ZNF141: variants seen among roughly 807,000 people sequenced by gnomAD.
The protein encoded by ZNF141 is zinc finger protein 141 (clone pHZ-44).
Under a neutral mutation model 11.3 loss-of-function variants are expected in ZNF141, and 7 were observed. The ratio of observed to expected loss-of-function variants is 0.62; its 90% confidence interval spans 0.35 to 1.16. ZNF141 has a LOEUF of 1.16. ZNF141 is among the 50% of genes most tolerant of loss of function. ZNF141 has a pLI of 0.02. For synonymous variants in ZNF141, 183 were observed against 190.7 expected (o/e 0.96, Z 0.33); for missense variants, 535 against 554.0 (o/e 0.97, Z 0.34).
chr4:338,605 G>C (rs1004301530), intron 1 of ZNF141: 1 of 153,972 alleles, frequency 6.5e-6, no homozygotes. Context: ...ACAGCGCTTC[G>C]CTGAGTTCTG....
chr4:338,776 G>A (rs1290477049), intron 1 of ZNF141, among the ~76,000 whole-genome samples: 2 of 152,174 alleles, frequency 1.3e-5, no homozygotes, highest in African/African-American at 4.8e-5. Context: ...TGCTGACTCC[G>A]GGTGGTGTCG....
chr4:369,753 TA>T (rs1711944002), intron 3 of ZNF141, among the ~76,000 whole-genome samples: 8 of 46,230 alleles, frequency 1.7e-4, no homozygotes, highest in African/African-American at 6.3e-4. Flanking sequence ...TATATATATA[TA>T]TATATATATA....
At position 376,029 on chromosome 4, in the gene ZNF141, G is replaced by A. The variant is rs1712348133; in HGVS notation, c.*2167G>A. Among the ~76,000 whole-genome samples, 2 of 151,942 alleles carry A rather than the reference G, an allele frequency of 1.3e-5. No individual in the cohort carries two copies. The highest frequency in any genetic ancestry group is 2.4e-5 in the African/African-American group (1 of 41,398). Reference sequence around the variant, plus strand: ...ATTGTTTTACCAATTATACATTTATGTAATAAGATACAGTAAATTTTAAAA... The same window carrying A: ...ATTGTTTTACCAATTATACATTTATATAATAAGATACAGTAAATTTTAAAA... On this transcript the variant is annotated 3_prime_UTR_variant, in exon 4 of 4. Transcript: ENST00000240499.
At chr4:366,455 T>C (rs1422558903) in intron 3 of ZNF141, among the ~76,000 whole-genome samples, 7 of 151,048 alleles carry the variant, frequency 4.6e-5, no homozygotes, top group African/African-American at 1.7e-4. Flanking sequence ...ATGACAGGCG[T>C]GTGCCGCCCC....
In ZNF141 at chr4:340,708, G is replaced by A. The variant is rs114656131; in HGVS notation, c.3+2722G>A. 3.9e-3 allele frequency among the ~76,000 whole-genome samples: 596 copies of A among 152,264 alleles called. 5 individuals carry two copies. Among genetic ancestry groups the A allele is most frequent in the African/African-American group, 0.013 (549 of 41,556 alleles). On this transcript the variant is annotated intron_variant, in intron 1 of 3. Transcript: ENST00000240499. ...GTTAAAATGAGACCACAGTCCTACC[G>A]TTCCCCTCTTTGAACTGTTTGTCTT... is the stretch of plus-strand genomic sequence containing the variant.
At position 376,509 on chromosome 4, in the gene ZNF141, T is replaced by G. The variant is rs1237957655; in HGVS notation, c.*2647T>G. ...TAAATGTACAATTATGATTGTAGTATTATATCAGTATAATTATAATTCATA... is the reference window on the plus strand; with the variant it reads ...TAAATGTACAATTATGATTGTAGTAGTATATCAGTATAATTATAATTCATA... On this transcript the variant is annotated 3_prime_UTR_variant, in exon 4 of 4. Transcript: ENST00000240499. 6.6e-6 allele frequency among the ~76,000 whole-genome samples: 1 copy of G among 152,098 alleles called. No individual in the cohort carries two copies. The highest frequency in any genetic ancestry group is 1.9e-4 in the East Asian group (1 of 5,196).
At position 382,946 on chromosome 4, in the gene ZNF141, C is replaced by T. The variant is rs1712731775; in HGVS notation, c.*9084C>T. ...GAAAAATTTCTTATTGTATTCATGTCCTTGGAAATGGCTTTTATAGTCGTT... is the reference window on the plus strand; with the variant it reads ...GAAAAATTTCTTATTGTATTCATGTTCTTGGAAATGGCTTTTATAGTCGTT... On this transcript the variant is annotated 3_prime_UTR_variant, in exon 4 of 4. Coordinates refer to ENST00000240499, the MANE Select transcript of ZNF141 (RefSeq NM_003441.4). 2 of 497,250 alleles carry T rather than the reference C, an allele frequency of 4.0e-6. No individual in the cohort carries two copies. 30.8% of individuals were successfully genotyped at this position (497,250 alleles called of 1,614,324 possible). A position where few individuals can be genotyped will look rare whatever the true frequency, so the allele number is the denominator to read the frequency against.
intron 3 of ZNF141, among the ~76,000 whole-genome samples, chr4:362,536 A>G (rs1581612134): frequency 6.6e-6 from 1 of 152,330 alleles, no homozygotes; most frequent in East Asian, 1.9e-4. Context: ...TCTTTAATCC[A>G]TCTTGAATTA....
intron 3 of ZNF141, among the ~76,000 whole-genome samples, chr4:363,902 G>C (rs149284653): frequency 6.6e-6 from 1 of 152,140 alleles, no homozygotes; most frequent in Non-Finnish European, 1.5e-5. Context: ...TAGCTTGAAG[G>C]GCTGTTGAAT....
Position 380,525 on chromosome 4 carries a change from G to A in ZNF141, c.*6663G>A, listed in dbSNP as rs924058667. Among the ~76,000 whole-genome samples the A allele has an allele frequency of 1.3e-5, 2 of 151,982 alleles. No individual in the cohort carries two copies. Among genetic ancestry groups the A allele is most frequent in the African/African-American group, 4.8e-5 (2 of 41,366 alleles). ...AAATTAGCTGGGTGTGGTGTCAGGC[G>A]CCTGTAATCCCAGCTACTCAAGAGG... On this transcript the variant is annotated 3_prime_UTR_variant, in exon 4 of 4. Transcript: ENST00000240499.
intron 3 of ZNF141, among the ~76,000 whole-genome samples, chr4:347,002 T>A (rs1189643549): frequency 1.3e-5 from 2 of 150,786 alleles, no homozygotes; most frequent in African/African-American, 4.9e-5. Flanking sequence ...TGCCCAGAAG[T>A]GGTATTGCTG....
intron 3 of ZNF141, among the ~76,000 whole-genome samples, chr4:346,516 A>G (rs1321131809): frequency 9.2e-5 from 14 of 152,210 alleles, no homozygotes; most frequent in African/African-American, 1.4e-4. Context: ...ACATTATAGT[A>G]TTAACTATGA....
chr4:371,415 A>G (rs1712055090), intron 3 of ZNF141, among the ~76,000 whole-genome samples: 1 of 151,760 alleles, frequency 6.6e-6, no homozygotes. Flanking sequence ...TAGTTTTAGT[A>G]GAGACAGAGT....
intron 3 of ZNF141, among the ~76,000 whole-genome samples, chr4:358,905 G>C (rs138234499): frequency 6.6e-6 from 1 of 152,202 alleles, no homozygotes; most frequent in African/African-American, 2.4e-5. Flanking sequence ...TAATTACTTT[G>C]AATTCTCTGT....
At chr4:345,729 CAAAAAAAAA>C (rs1321182710) in intron 3 of ZNF141, among the ~76,000 whole-genome samples, 1 of 64,616 alleles carries the variant, frequency 1.5e-5, no homozygotes, top group African/African-American at 5.2e-5. Context: ...ACTCTGTCTC[CAAAAAAAAA>C]AAAAAAAAAA....
intron 3 of ZNF141, among the ~76,000 whole-genome samples, chr4:371,318 A>T (rs1474709033): frequency 7.1e-6 from 1 of 141,164 alleles, no homozygotes; most frequent in Non-Finnish European, 1.5e-5. Flanking sequence ...TGCAACCTCC[A>T]CCTCCCGGGT....
chr4:343,823 A>G lies in ZNF141; in HGVS notation c.45A>G (p.Pro15=), dbSNP rs1721181591. 3 of 1,608,538 alleles carry G rather than the reference A, an allele frequency of 1.9e-6. No individual in the cohort carries two copies. The highest frequency in any genetic ancestry group is 2.5e-6 in the Non-Finnish European group (3 of 1,178,598). The change falls in exon 2 of 4, where the codon CCA becomes CCG. Residue 15 remains proline (P), a synonymous_variant. Coordinates refer to ENST00000240499, the MANE Select transcript of ZNF141 (RefSeq NM_003441.4). ...TFRDVAIEFS[P]EEWKCLDPDQ... ...GGGATGTGGCCATAGAATTCTCTCC[A>G]GAAGAGTGGAAATGCCTGGACCCTG...
rs1553854769 is a variant in ZNF141, at chr4:377,067, GTTATT to G, written c.*3209_*3213del. Among the ~76,000 whole-genome samples, 1 of 152,150 alleles carries G rather than the reference GTTATT, an allele frequency of 6.6e-6. No homozygotes were observed. Among genetic ancestry groups the G allele is most frequent in the Non-Finnish European group, 1.5e-5 (1 of 68,008 alleles). ...TGTAATTTCATAATATATGTATTAA[GTTATT>G]TTAGTTAGAACATTTCATTTTGTTG... On this transcript the variant is annotated 3_prime_UTR_variant, in exon 4 of 4. Transcript: ENST00000240499.
intron 3 of ZNF141, 40 bp from the exon 4 acceptor site, chr4:372,624 T>C: frequency 7.0e-7 from 1 of 1,421,912 alleles, no homozygotes; most frequent in Non-Finnish European, 9.4e-7. Flanking sequence ...TTTATATGAA[T>C]CTACTAAGTG....
Sources: allele counts gnomAD v4.1 joint callset (sites outside exome capture counted in the v4.1 genomes callset), GRCh38; gene constraint gnomAD v4.1.1; transcripts MANE v1.5; gene names NCBI Gene and HGNC (gene_info 2026-07-23, HGNC 2026-07-21).